PNOC: variants seen among roughly 807,000 people sequenced by gnomAD.
PNOC encodes nociceptin.
Under a neutral mutation model 15.6 loss-of-function variants are expected in PNOC, and 10 were observed. That is an observed-to-expected ratio of 0.64 (90% CI 0.40 to 1.09). PNOC has a LOEUF of 1.09. PNOC is among the 50% of genes least tolerant of loss of function. PNOC has a pLI of 0.01. For synonymous variants in PNOC, 98 were observed against 88.5 expected, an observed-to-expected ratio of 1.11 and a Z score of -0.60; for missense variants, 220 against 223.9, an observed-to-expected ratio of 0.98 and a Z score of 0.11.
chr8:28,330,268 A>G (rs947418812), intron 2 of PNOC, among the ~76,000 whole-genome samples: 1 of 151,794 alleles, frequency 6.6e-6, no homozygotes, highest in Non-Finnish European at 1.5e-5. Flanking sequence ...TATATAAGGG[A>G]CTTGAGCATC....
chr8:28,329,313 G>A (rs756930743), intron 2 of PNOC, 30 bp downstream of exon 2: 24 of 1,609,452 alleles, frequency 1.5e-5, no homozygotes, highest in Non-Finnish European at 1.9e-5. Flanking sequence ...CAGAGAGGCT[G>A]TCCTCCTCCC....
rs907274496 is a variant in PNOC, at chr8:28,339,165, C to A, written c.252C>A (p.Leu84=). The stretch of plus-strand genomic sequence containing the variant: ...CCCCAGAGCATGTGGCGGCTGCTCT[C>A]TACCAGCCGAGAGCTTCGGAGATGC... ...PAAPEHVAAA[L]YQPRASEMQH... Residue 84 remains leucine (L), a synonymous_variant, in exon 3 of 4, where the codon CTC becomes CTA. Coordinates refer to ENST00000301908, the MANE Select transcript of PNOC (RefSeq NM_006228.5). 1.2e-6 allele frequency: 2 copies of A among 1,613,634 alleles called. No homozygotes were observed. The highest frequency in any genetic ancestry group is 1.7e-6 in the Non-Finnish European group (2 of 1,179,662).
chr8:28,330,404 T>TA lies in PNOC; in HGVS notation c.126+1121_126+1122insA, dbSNP rs1563328724. ...TTATTTTATTTTATTTTATTTTTTT[T>TA]TTTTTTTTGAGACGGAGTCTTGCTC... On this transcript the variant is annotated intron_variant, in intron 2 of 3. Transcript: ENST00000301908. 3.5e-3 allele frequency among the ~76,000 whole-genome samples: 470 copies of TA among 133,268 alleles called. 5 individuals are homozygous for TA. The highest frequency in any genetic ancestry group is 0.012 in the African/African-American group (445 of 36,768). The allele number at this position is 133,268 out of a possible 152,430, so 87.4% of individuals were successfully genotyped here.
At chr8:28,320,616 C>T (rs938453235) in intron 1 of PNOC, among the ~76,000 whole-genome samples, 6 of 151,982 alleles carry the variant, frequency 3.9e-5, no homozygotes, top group African/African-American at 9.7e-5. Flanking sequence ...TTTGGGAGGC[C>T]GAGGTGGGCA....
intron 2 of PNOC, among the ~76,000 whole-genome samples, chr8:28,331,098 C>A (rs1359409547): frequency 6.6e-6 from 1 of 152,178 alleles, no homozygotes. Context: ...ATCCAGCAGA[C>A]CCAAAGCACC....
chr8:28,327,553 C>T (rs1379009646), intron 1 of PNOC, among the ~76,000 whole-genome samples: 1 of 149,812 alleles, frequency 6.7e-6, no homozygotes, highest in African/African-American at 2.4e-5. Flanking sequence ...GGCTTATAAA[C>T]AACATAAAAT....
At chr8:28,328,059 CTTTTTTTT>C (rs67204932) in intron 1 of PNOC, among the ~76,000 whole-genome samples, 43 of 82,102 alleles carry the variant, frequency 5.2e-4, no homozygotes, top group African/African-American at 2.0e-3. Context: ...CTCTCTCTCT[CTTTTTTTT>C]TTTTTTTTTT....
At chr8:28,336,101 T>G (rs887203800) in intron 2 of PNOC, among the ~76,000 whole-genome samples, 9 of 152,198 alleles carry the variant, frequency 5.9e-5, no homozygotes, top group Non-Finnish European at 2.9e-5. Context: ...CAGGGACTCT[T>G]TCTCACCTCT....
chr8:28,326,089 T>C (rs1013059902), intron 1 of PNOC, among the ~76,000 whole-genome samples: 14 of 152,180 alleles, frequency 9.2e-5, no homozygotes, highest in Non-Finnish European at 1.9e-4. Context: ...CAGTGACTTA[T>C]GCCTGTAATC....
At chr8:28,324,049 G>T (rs1202073593) in intron 1 of PNOC, among the ~76,000 whole-genome samples, 2 of 152,186 alleles carry the variant, frequency 1.3e-5, no homozygotes, top group African/African-American at 4.8e-5. Context: ...GACAGAGAAG[G>T]GTCGGGAGGT....
intron 1 of PNOC, among the ~76,000 whole-genome samples, chr8:28,318,426 T>C (rs1431457997): frequency 6.6e-6 from 1 of 152,204 alleles, no homozygotes; most frequent in Non-Finnish European, 1.5e-5. Flanking sequence ...AAAGATGAGC[T>C]TTGCACGGCA....
In PNOC at chr8:28,329,268, C is replaced by A. The variant is rs1176025074; in HGVS notation, c.111C>A (p.Asp37Glu). ...AGGAGAAGCTCCACCCAGCCCTGGA[C>A]AGCTTCGACCTGGAGGTAGGTCTCC... ...TCQEKLHPAL[D>E]SFDLEVCILE... Residue 37 changes from aspartate to glutamate, a missense_variant, in exon 2 of 4, where the codon GAC becomes GAA. Asp to Glu is a conservative substitution (Grantham distance 45). Transcript: ENST00000301908. 6.2e-7 allele frequency: 1 copy of A among 1,613,576 alleles called. No individual in the cohort carries two copies. The highest frequency in any genetic ancestry group is 2.2e-5 in the East Asian group (1 of 44,902).
chr8:28,339,232 G>T lies in PNOC; in HGVS notation c.319G>T (p.Glu107Ter), dbSNP rs1319147976. The change falls in exon 3 of 4, where the codon GAG (glutamate) becomes TAG (stop). Residue 107 changes from glutamate (E) to a stop codon, truncating the protein, a stop_gained. Coordinates refer to ENST00000301908, the MANE Select transcript of PNOC (RefSeq NM_006228.5). LOFTEE classifies it high-confidence loss of function. ...RMPRVRSLFQ[E>*]QEEPEPGMEE... is the part of the protein sequence containing the mutation. ...GCCCCGAGTCCGGAGCTTGTTCCAG[G>T]AGCAGGAAGAGCCCGAGCCTGGCAT... 6.2e-7 allele frequency: 1 copy of T among 1,611,348 alleles called. No homozygotes were observed. Among genetic ancestry groups the T allele is most frequent in the Admixed American group, 1.7e-5 (1 of 59,960 alleles).
chr8:28,335,554 T>C (rs1801397543), intron 2 of PNOC, among the ~76,000 whole-genome samples: 2 of 152,094 alleles, frequency 1.3e-5, no homozygotes, highest in African/African-American at 4.8e-5. Flanking sequence ...TGAGTAGGAG[T>C]TTCACTCTTG....
chr8:28,328,778 G>A (rs182293507), intron 1 of PNOC, among the ~76,000 whole-genome samples: 2 of 152,206 alleles, frequency 1.3e-5, no homozygotes, highest in Non-Finnish European at 2.9e-5. Context: ...GCAAAGCGAT[G>A]CCTTTAGCTC....
At chr8:28,320,377 C>G (rs1434654346) in intron 1 of PNOC, among the ~76,000 whole-genome samples, 1 of 151,986 alleles carries the variant, frequency 6.6e-6, no homozygotes, top group Non-Finnish European at 1.5e-5. Flanking sequence ...AGAGCAAGTG[C>G]CAGGAGCACA....
rs1425591704 is a variant in PNOC, at chr8:28,342,989, C to T, written c.*95C>T. ...AGCATGTGCTCAGCCCCAGACCTGC[C>T]GCCTGGGAATCAGGATTCCTTCTTC... On this transcript the variant is annotated 3_prime_UTR_variant, in exon 4 of 4. Transcript: ENST00000301908. The T allele has an allele frequency of 1.7e-5, 17 of 985,278 alleles. No individual in the cohort carries two copies. The highest frequency in any genetic ancestry group is 1.1e-4 in the East Asian group (1 of 8,834). The allele number at this position is 985,278 out of a possible 1,614,324, so 61.0% of individuals were successfully genotyped here. A position where few individuals can be genotyped will look rare whatever the true frequency, so the allele number is the denominator to read the frequency against.
intron 1 of PNOC, among the ~76,000 whole-genome samples, chr8:28,326,860 A>G (rs952505217): frequency 6.6e-6 from 1 of 152,092 alleles, no homozygotes; most frequent in Non-Finnish European, 1.5e-5. Flanking sequence ...ACTCTGTCTC[A>G]AAACAAAAAC....
At position 28,329,183 on chromosome 8, in the gene PNOC, T is replaced by C; in HGVS notation, c.26T>C (p.Leu9Pro). Residue 9 changes from leucine to proline, a missense_variant, in exon 2 of 4, where the codon CTG (leucine) becomes CCG (proline). Physicochemically the swap from Leu to Pro is moderately conservative, Grantham distance 98. Transcript: ENST00000301908. ...ATGAAAGTCCTGCTTTGTGACCTGCTGCTGCTCAGTCTCTTCTCCAGTGTG... is the reference window on the plus strand; with the variant it reads ...ATGAAAGTCCTGCTTTGTGACCTGCCGCTGCTCAGTCTCTTCTCCAGTGTG... MKVLLCDL[L>P]LLSLFSSVFS... 6.2e-7 allele frequency: 1 copy of C among 1,614,038 alleles called. No individual in the cohort carries two copies. The highest frequency in any genetic ancestry group is 8.5e-7 in the Non-Finnish European group (1 of 1,180,034).
Sources: gnomAD v4.1 joint callset for allele counts (sites outside exome capture counted in the v4.1 genomes callset) on GRCh38, gnomAD v4.1.1 for gene constraint, MANE v1.5 for transcripts, NCBI Gene and HGNC (gene_info 2026-07-23, HGNC 2026-07-21) for gene names.